The following CPEB1 variants were observed in gnomAD, a reference collection of about 807,000 sequenced individuals.
The protein encoded by CPEB1 is cytoplasmic polyadenylation element-binding protein 1.
A neutral mutation model predicts 65.8 loss-of-function variants in CPEB1; 7 were observed. The ratio of observed to expected loss-of-function variants is 0.11; its 90% CI spans 0.06 to 0.20. CPEB1 has a LOEUF of 0.20. CPEB1 is among the 10% of genes least tolerant of loss of function. The pLI is 1.00. For missense variants in CPEB1, 551 were observed against 712.2 expected (o/e 0.77, Z 2.58); for synonymous variants, 262 against 260.0 (o/e 1.01, Z -0.08).
chr15:82,628,256 C>G (rs1173156073), intron 2 of CPEB1, 108 bp downstream of exon 2: 1 of 702,784 alleles, frequency 1.4e-6, no homozygotes, highest in South Asian at 1.5e-5. Context: ...AGATTTACCA[C>G]AGAGCCAATA....
At chr15:82,626,663 A>G (rs1033361617) in intron 3 of CPEB1, among the ~76,000 whole-genome samples, 1 of 152,196 alleles carries the variant, frequency 6.6e-6, no homozygotes, top group African/African-American at 2.4e-5. Flanking sequence ...CTCATGTTTA[A>G]AAGCTGTTAA....
Position 82,555,979 on chromosome 15 carries a change from A to T in CPEB1, c.831T>A (p.Ala277=). The T allele has an allele frequency of 1.4e-5, 22 of 1,613,872 alleles. No individual in the cohort carries two copies. Among genetic ancestry groups the T allele is most frequent in the Non-Finnish European group, 1.9e-5 (22 of 1,179,912 alleles). The change falls in exon 6 of 13, where the codon GCT becomes GCA. Residue 277 remains alanine (A), a synonymous_variant. Transcript: ENST00000684509. ...LAAVTPSPTS[A]SKRWPGASVW... ...CAGAAGCTCCTGGCCATCTCTTTGA[A>T]GCACTGGTTGGGGAGGGAGTGACTG...
intron 4 of CPEB1, among the ~76,000 whole-genome samples, chr15:82,568,718 C>T (rs962247299): frequency 1.3e-5 from 2 of 152,132 alleles, no homozygotes; most frequent in African/African-American, 4.8e-5. Context: ...AATGAAAGCC[C>T]CTATCATAGC....
Position 82,610,958 on chromosome 15 carries a change from C to CAAAAAAAAAAAAAAAAAAA in CPEB1, c.271+16216_271+16234dup, listed in dbSNP as rs60065545. 2.3e-4 allele frequency among the ~76,000 whole-genome samples: 7 copies of CAAAAAAAAAAAAAAAAAAA among 30,020 alleles called. 1 individual carries two copies. Among genetic ancestry groups the CAAAAAAAAAAAAAAAAAAA allele is most frequent in the East Asian group, 3.1e-3 (2 of 648 alleles). 19.7% of individuals were successfully genotyped at this position (30,020 alleles called of 152,430 possible). A position where few individuals can be genotyped will look rare whatever the true frequency, so the allele number is the denominator to read the frequency against. On this transcript the variant is annotated intron_variant, in intron 3 of 12. Transcript: ENST00000684509. ...TGGGGACAGAGTGAGACTCCAGTCT[C>CAAAAAAAAAAAAAAAAAAA]AAAAAAAAAAAAAAAAAAAAAAAAA...
chr15:82,580,063 T>C (rs2041115650), intron 3 of CPEB1, among the ~76,000 whole-genome samples: 2 of 149,614 alleles, frequency 1.3e-5, no homozygotes, highest in South Asian at 2.1e-4. Context: ...GGCTCACACC[T>C]GTAATCCCAG....
At chr15:82,568,665 C>A (rs2039537528) in intron 4 of CPEB1, among the ~76,000 whole-genome samples, 1 of 152,152 alleles carries the variant, frequency 6.6e-6, no homozygotes, top group Admixed American at 6.5e-5. Context: ...AGCTAAGAAT[C>A]CAATGAAAGG....
At chr15:82,602,276 G>T (rs1276193314) in intron 3 of CPEB1, among the ~76,000 whole-genome samples, 1 of 152,052 alleles carries the variant, frequency 6.6e-6, no homozygotes, top group Non-Finnish European at 1.5e-5. Flanking sequence ...ACATCCAATG[G>T]AAATTAGAAA....
chr15:82,558,030 T>C (rs2037538309), intron 4 of CPEB1, 44 bp from the exon 5 acceptor site: 3 of 1,400,590 alleles, frequency 2.1e-6, no homozygotes, highest in Non-Finnish European at 2.9e-6. Flanking sequence ...TTAGTTTTCT[T>C]TGCAGCCAAC....
At chr15:82,571,931 T>C (rs1209269040) in intron 3 of CPEB1, 3 of 868,442 alleles carry the variant, frequency 3.5e-6, no homozygotes, top group South Asian at 4.9e-5. Flanking sequence ...CAACAGCTAC[T>C]TGGAATAGTC....
intron 3 of CPEB1, among the ~76,000 whole-genome samples, chr15:82,592,524 G>A (rs1202938771): frequency 6.7e-6 from 1 of 149,124 alleles, no homozygotes; most frequent in Non-Finnish European, 1.5e-5. Flanking sequence ...GTTGCAGTGA[G>A]CCAAGATTAC....
intron 4 of CPEB1, among the ~76,000 whole-genome samples, chr15:82,563,094 T>C (rs1172581294): frequency 6.6e-6 from 1 of 152,136 alleles, no homozygotes; most frequent in African/African-American, 2.4e-5. Context: ...GGAAAAGTGA[T>C]GGCTAGAACA....
At chr15:82,584,922 T>TTTTTTTTTTTA (rs2041655554) in intron 3 of CPEB1, among the ~76,000 whole-genome samples, 3 of 143,318 alleles carry the variant, frequency 2.1e-5, no homozygotes, top group African/African-American at 5.1e-5. Context: ...TTTTTTTTTT[T>TTTTTTTTTTTA]ACAGTGAACA....
Position 82,568,960 on chromosome 15 carries a change from A to G in CPEB1, c.460+2384T>C, listed in dbSNP as rs570254917. Among the ~76,000 whole-genome samples the G allele has an allele frequency of 2.8e-4, 43 of 152,354 alleles. No individual in the cohort carries two copies. The East Asian group carries it at 8.1e-3, about 29-fold the overall frequency. On this transcript the variant is annotated intron_variant, in intron 4 of 12. Coordinates refer to ENST00000684509, the MANE Select transcript of CPEB1 (RefSeq NM_001365242.1). The stretch of plus-strand genomic sequence containing the variant: ...ATGCCATAGCTGCCTTGGGCAATAT[A>G]TCACCAAGCAGAGCTCAAGGAATAA...
chr15:82,576,306 A>T (rs911302872), intron 3 of CPEB1, among the ~76,000 whole-genome samples: 9 of 152,174 alleles, frequency 5.9e-5, no homozygotes, highest in African/African-American at 2.2e-4. Flanking sequence ...AGGCAGGTAG[A>T]TTAGGAAGGG....
chr15:82,566,702 G>A (rs1034360774), intron 4 of CPEB1, among the ~76,000 whole-genome samples: 3 of 146,542 alleles, frequency 2.0e-5, no homozygotes, highest in Non-Finnish European at 4.7e-5. Flanking sequence ...TCCTGCCCCT[G>A]TCACTAACCA....
intron 1 of CPEB1, among the ~76,000 whole-genome samples, chr15:82,639,124 G>A (rs2046897815): frequency 6.6e-6 from 1 of 152,200 alleles, no homozygotes. Context: ...CTGCCACAGA[G>A]TAAAGGCCAA....
chr15:82,558,630 G>T (rs535588371), intron 4 of CPEB1, among the ~76,000 whole-genome samples: 1 of 152,152 alleles, frequency 6.6e-6, no homozygotes, highest in South Asian at 2.1e-4. Context: ...GACACCTCTT[G>T]TATATGTCTG....
At chr15:82,647,409 C>G (rs1201940141), upstream of CPEB1, 2 of 156,618 alleles carry the variant, frequency 1.3e-5, no homozygotes, top group African/African-American at 4.8e-5. Context: ...CCCGGGCGCC[C>G]CCACCGCGCG....
At chr15:82,581,851 A>C (rs2041313024) in intron 3 of CPEB1, among the ~76,000 whole-genome samples, 1 of 152,222 alleles carries the variant, frequency 6.6e-6, no homozygotes, top group South Asian at 2.1e-4. Context: ...CTCACTGGTT[A>C]CAGTGATGGT....
Sources: gnomAD v4.1 joint callset for allele counts (sites outside exome capture counted in the v4.1 genomes callset) on GRCh38, gnomAD v4.1.1 for gene constraint, MANE v1.5 for transcripts, NCBI Gene and HGNC (gene_info 2026-07-23, HGNC 2026-07-21) for gene names.